Variants in TXNRD1 observed in about 807,000 individuals in gnomAD.
TXNRD1 encodes thioredoxin reductase 1.
TXNRD1 carries 57 observed loss-of-function variants against 80.3 expected under a neutral mutation model. The ratio of observed to expected loss-of-function variants is 0.71; its 90% CI spans 0.57 to 0.89. The LOEUF (loss-of-function observed/expected upper bound fraction) is 0.89. Ranked by LOEUF, TXNRD1 falls within the 40% of genes least tolerant of loss-of-function variation. The pLI is 0.00. For synonymous variants in TXNRD1, 291 were observed against 285.2 expected, an observed-to-expected ratio of 1.02 and a Z score of -0.20; for missense variants, 730 against 803.0, an observed-to-expected ratio of 0.91 and a Z score of 1.10.
chr12:104,256,971 C>CTTTTT (rs1437158062), intron 2 of TXNRD1, among the ~76,000 whole-genome samples: 3 of 89,888 alleles, frequency 3.3e-5, no homozygotes, highest in African/African-American at 8.4e-5. Context: ...AATATATTTT[C>CTTTTT]TTTTCTTTTT....
At chr12:104,318,814 G>GA (rs2035420389) in intron 7 of TXNRD1, 99 bp from the exon 8 acceptor site, 1 of 1,325,866 alleles carries the variant, frequency 7.5e-7, no homozygotes, top group African/African-American at 1.5e-5. Context: ...TTGCCTTTTA[G>GA]AGCTCTGCTC....
intron 1 of TXNRD1, among the ~76,000 whole-genome samples, chr12:104,226,180 A>T (rs2032468607): frequency 6.6e-6 from 1 of 152,174 alleles, no homozygotes; most frequent in South Asian, 2.1e-4. Flanking sequence ...AGCCTGGGCA[A>T]CAAGAGTGAA....
At chr12:104,225,411 T>A (rs551016255) in intron 1 of TXNRD1, among the ~76,000 whole-genome samples, 1 of 152,354 alleles carries the variant, frequency 6.6e-6, no homozygotes, top group Admixed American at 6.5e-5. Flanking sequence ...GCACGTCTAA[T>A]GAAACCTTGG....
intron 1 of TXNRD1, among the ~76,000 whole-genome samples, chr12:104,231,064 C>T (rs2032611259): frequency 6.6e-6 from 1 of 152,114 alleles, no homozygotes; most frequent in South Asian, 2.1e-4. Flanking sequence ...CAAAGGTTGC[C>T]TGCCCGGCTC....
intron 16 of TXNRD1, among the ~76,000 whole-genome samples, chr12:104,341,531 G>A (rs1433654809): frequency 6.6e-6 from 1 of 152,196 alleles, no homozygotes; most frequent in Non-Finnish European, 1.5e-5. Context: ...TGCCACATTT[G>A]TGGTCTTTGC....
chr12:104,255,579 A>T (rs1204874934), intron 2 of TXNRD1, among the ~76,000 whole-genome samples: 1 of 152,088 alleles, frequency 6.6e-6, no homozygotes, highest in Non-Finnish European at 1.5e-5. Context: ...CGGGCGGATC[A>T]CCTGAGGTCA....
chr12:104,268,388 G>A (rs1565870693), intron 3 of TXNRD1, among the ~76,000 whole-genome samples: 1 of 151,184 alleles, frequency 6.6e-6, no homozygotes, highest in Non-Finnish European at 1.5e-5. Context: ...AGCCGGGCAT[G>A]GTGGCAGGCG....
Position 104,309,160 on chromosome 12 carries a change from A to G in TXNRD1, c.415-2130A>G, listed in dbSNP as rs145090406. Reference sequence around the variant, plus strand: ...GGCAGCCCTCCCGCTTCGGCCTCCCAAAGTGCTGGGATTACAGGCATGAGC... The same window carrying G: ...GGCAGCCCTCCCGCTTCGGCCTCCCGAAGTGCTGGGATTACAGGCATGAGC... On this transcript the variant is annotated intron_variant, in intron 4 of 16. Transcript: ENST00000525566. Among the ~76,000 whole-genome samples the G allele has an allele frequency of 6.9e-3, 1,045 of 152,192 alleles. 13 individuals carry two copies. The highest frequency in any genetic ancestry group is 0.02 in the African/African-American group (828 of 41,518).
At chr12:104,284,072 G>C (rs2033929356) in intron 3 of TXNRD1, among the ~76,000 whole-genome samples, 1 of 152,108 alleles carries the variant, frequency 6.6e-6, no homozygotes, top group South Asian at 2.1e-4. Flanking sequence ...TCTTAAAGTA[G>C]AAAGTAGGTC....
At chr12:104,282,996 C>A (rs71468208) in intron 3 of TXNRD1, 27,634 of 152,106 alleles carry the variant, frequency 0.18, 3,129 homozygotes, top group Non-Finnish European at 0.26. Flanking sequence ...TGCACCAGGT[C>A]GGGAGGCTTT....
chr12:104,321,373 G>C, intron 10 of TXNRD1, 57 bp downstream of exon 10: 1 of 1,425,094 alleles, frequency 7.0e-7, no homozygotes, highest in Non-Finnish European at 9.8e-7. Context: ...AAGGCAAAAA[G>C]AGAGTTGAGT....
intron 3 of TXNRD1, among the ~76,000 whole-genome samples, chr12:104,272,720 A>T (rs1363293144): frequency 1.3e-5 from 2 of 151,458 alleles, no homozygotes; most frequent in African/African-American, 4.9e-5. Context: ...TGAACCTGGG[A>T]GGCGGAGCTT....
chr12:104,290,933 T>G, intron 4 of TXNRD1: 1 of 616,792 alleles, frequency 1.6e-6, no homozygotes, highest in African/African-American at 1.9e-5. Flanking sequence ...ACTTAATTGA[T>G]TTGGTCTGAT....
At chr12:104,269,195 G>A (rs1483245093) in intron 3 of TXNRD1, among the ~76,000 whole-genome samples, 1 of 151,976 alleles carries the variant, frequency 6.6e-6, no homozygotes, top group Non-Finnish European at 1.5e-5. Flanking sequence ...GTGAACCACT[G>A]TGCCCAGCCC....
At chr12:104,330,174 AAGATTT>A (rs2035900872) in intron 13 of TXNRD1, among the ~76,000 whole-genome samples, 1 of 152,222 alleles carries the variant, frequency 6.6e-6, no homozygotes, top group East Asian at 1.9e-4. Context: ...GCATATTTTA[AAGATTT>A]TATCTCCCTG....
At chr12:104,251,792 GC>G in intron 2 of TXNRD1, 114 bp downstream of exon 2, 1 of 1,241,044 alleles carries the variant, frequency 8.1e-7, no homozygotes, top group Non-Finnish European at 1.1e-6. Flanking sequence ...TAGGCTGGGC[GC>G]GGTGGCTCAC....
intron 3 of TXNRD1, among the ~76,000 whole-genome samples, chr12:104,280,048 G>T (rs1327917019): frequency 2.9e-5 from 3 of 104,436 alleles, no homozygotes; most frequent in African/African-American, 1.2e-4. Context: ...GGGTGACAGA[G>T]TGAGACTCTG....
intron 15 of TXNRD1, 43 bp downstream of exon 15, chr12:104,334,375 G>A (rs1248157101): frequency 1.6e-6 from 2 of 1,214,338 alleles, no homozygotes; most frequent in Non-Finnish European, 1.1e-6. Context: ...TTATTTAGTT[G>A]TTGTTTTTTG....
intron 1 of TXNRD1, among the ~76,000 whole-genome samples, chr12:104,234,654 A>AAG (rs1555205991): frequency 5.3e-5 from 8 of 151,546 alleles, no homozygotes; most frequent in Non-Finnish European, 1.2e-4. Context: ...AAAAAAAAAA[A>AAG]AAGAAGCCTT....
Sources: gnomAD v4.1 joint callset for allele counts (sites outside exome capture counted in the v4.1 genomes callset) on GRCh38, gnomAD v4.1.1 for gene constraint, MANE v1.5 for transcripts, NCBI Gene and HGNC (gene_info 2026-07-23, HGNC 2026-07-21) for gene names.